The following ACTR10 variants were observed in gnomAD, a reference collection of about 807,000 sequenced individuals.
ACTR10 encodes actin related protein 10, also known as actin-related protein 10.
In ACTR10, 43 loss-of-function variants were observed where a neutral mutation model predicts 56.2. That is an observed-to-expected ratio of 0.77 (90% CI 0.60 to 0.99). The LOEUF is 0.99. Among genes scored for constraint, ACTR10 ranks in the 50% least tolerant of loss-of-function variants. The probability of loss-of-function intolerance (pLI) is 0.00; values close to 1 mark genes in which losing one functional copy is unlikely to be tolerated. For synonymous variants in ACTR10, 170 were observed against 176.3 expected (o/e 0.96, Z 0.28); for missense variants, 466 against 507.8 (o/e 0.92, Z 0.79).
In ACTR10 at chr14:58,218,977, C is replaced by T. The variant is rs544011024; in HGVS notation, c.599-717C>T. Among the ~76,000 whole-genome samples the T allele has an allele frequency of 3.9e-5, 6 of 152,244 alleles. No individual in the cohort carries two copies. In the East Asian group the frequency reaches 1.2e-3, roughly 29 times the overall value. ...AGCTGGGATTACAGGCATGCACCACCACACCCAGCTTTTTGTATTTTTAGT... is the reference window on the plus strand; with the variant it reads ...AGCTGGGATTACAGGCATGCACCACTACACCCAGCTTTTTGTATTTTTAGT... On this transcript the variant is annotated intron_variant, in intron 7 of 12. Coordinates refer to ENST00000254286, the MANE Select transcript of ACTR10 (RefSeq NM_018477.3).
In ACTR10 at chr14:58,209,050, A is replaced by T. The variant is rs747767626; in HGVS notation, c.285A>T (p.Val95=). The part of the protein sequence containing the change: ...RDRRVVIIES[V]LCPSHFRETL... ...GCCGAGTTGTGATTATCGAATCGGT[A>T]TTATGTCCTTCTCACTTCAGAGAGA... The change falls in exon 4 of 13, where the codon GTA becomes GTT. Residue 95 remains valine, a synonymous_variant. Transcript: ENST00000254286. The T allele has an allele frequency of 3.1e-6, 5 of 1,612,522 alleles. No individual in the cohort carries two copies. The Admixed American group carries it at 8.4e-5, about 27-fold the overall frequency.
At chr14:58,211,470 TAAATGA>T in intron 5 of ACTR10, 71 bp downstream of exon 5, 11 of 1,128,114 alleles carry the variant, frequency 9.8e-6, no homozygotes, top group Non-Finnish European at 1.3e-5. Context: ...AGGCTAATTA[TAAATGA>T]TTTGTATTGT....
chr14:58,223,570 C>A (rs1490883331), intron 8 of ACTR10, 52 bp from the exon 9 acceptor site: 2 of 1,426,308 alleles, frequency 1.4e-6, no homozygotes, highest in Non-Finnish European at 1.9e-6. Context: ...TAGGTACACT[C>A]TGTTCAATTA....
chr14:58,223,893 AAAAT>A (rs1566628988), intron 10 of ACTR10, 37 bp downstream of exon 10: 1 of 1,515,368 alleles, frequency 6.6e-7, no homozygotes, highest in Non-Finnish European at 9.0e-7. Context: ...GTAGTAAACT[AAAAT>A]AAACTTTTGG....
At chr14:58,206,442 C>G (rs1352111854) in intron 2 of ACTR10, among the ~76,000 whole-genome samples, 2 of 152,252 alleles carry the variant, frequency 1.3e-5, no homozygotes, top group African/African-American at 4.8e-5. Context: ...CTTGACCTCC[C>G]AAAGTGTTGG....
chr14:58,200,804 T>G (rs879585158), intron 1 of ACTR10, among the ~76,000 whole-genome samples: 6 of 152,320 alleles, frequency 3.9e-5, no homozygotes, highest in Non-Finnish European at 7.3e-5. Flanking sequence ...TAGATAAGAT[T>G]CTGGAAATCC....
intron 11 of ACTR10, 36 bp from the exon 12 acceptor site, chr14:58,232,030 C>G (rs1401881655): frequency 6.9e-7 from 1 of 1,444,308 alleles, no homozygotes; most frequent in African/African-American, 1.4e-5. Flanking sequence ...TTGTACAGTT[C>G]AGAATAAATC....
intron 8 of ACTR10, among the ~76,000 whole-genome samples, chr14:58,222,863 T>C: frequency 6.6e-6 from 1 of 151,932 alleles, no homozygotes; most frequent in East Asian, 1.9e-4. Context: ...TTTGGTAACA[T>C]CTTTTCACAA....
intron 10 of ACTR10, among the ~76,000 whole-genome samples, chr14:58,224,595 G>A (rs1369670906): frequency 6.6e-6 from 1 of 152,170 alleles, no homozygotes; most frequent in Non-Finnish European, 1.5e-5. Context: ...GAGGTTGGAG[G>A]ATATCTTGAG....
chr14:58,204,189 G>A (rs1888797811), intron 2 of ACTR10, among the ~76,000 whole-genome samples: 1 of 151,002 alleles, frequency 6.6e-6, no homozygotes, highest in Admixed American at 6.6e-5. Context: ...AGACCATCCT[G>A]GCTAACACAG....
chr14:58,227,415 G>T (rs1325075825), intron 10 of ACTR10, among the ~76,000 whole-genome samples: 1 of 152,142 alleles, frequency 6.6e-6, no homozygotes, highest in Non-Finnish European at 1.5e-5. Context: ...GACTTTTACA[G>T]TTGTCTCACC....
chr14:58,229,836 T>TA (rs1434733969), intron 10 of ACTR10, among the ~76,000 whole-genome samples: 2 of 151,912 alleles, frequency 1.3e-5, no homozygotes, highest in Non-Finnish European at 2.9e-5. Flanking sequence ...ATATAATTTT[T>TA]AAAAAAATAT....
chr14:58,218,288 ATCT>A (rs1889183853), intron 7 of ACTR10, among the ~76,000 whole-genome samples: 1 of 152,174 alleles, frequency 6.6e-6, no homozygotes, highest in African/African-American at 2.4e-5. Context: ...TCAGGATTAA[ATCT>A]TCTGGCATAT....
At chr14:58,212,006 G>A (rs757140146) in intron 5 of ACTR10, among the ~76,000 whole-genome samples, 5 of 151,002 alleles carry the variant, frequency 3.3e-5, no homozygotes, top group South Asian at 2.1e-4. Flanking sequence ...AGAGGCTTTC[G>A]TGAAGGCAGT....
At chr14:58,227,278 C>A (rs1889427218) in intron 10 of ACTR10, among the ~76,000 whole-genome samples, 1 of 151,700 alleles carries the variant, frequency 6.6e-6, no homozygotes. Flanking sequence ...TGCTTGTAAT[C>A]CCAGCATTTT....
Position 58,207,962 on chromosome 14 carries a change from C to A in ACTR10, c.177C>A (p.Ile59=). The change falls in exon 3 of 13, where the codon ATC becomes ATA. Residue 59 remains isoleucine, a synonymous_variant. Coordinates refer to ENST00000254286, the MANE Select transcript of ACTR10 (RefSeq NM_018477.3). ...CTGTCAGAGTTGTTCAGTATAATAT[C>A]AATACAGAAGAATTATATTCCTACC... ...PKPVRVVQYN[I]NTEELYSYLK... is the part of the protein sequence containing the mutation. 6.6e-7 allele frequency: 1 copy of A among 1,504,756 alleles called. No individual in the cohort carries two copies. The highest frequency in any genetic ancestry group is 1.3e-5 in the South Asian group (1 of 75,236). The allele number at this position is 1,504,756 out of a possible 1,614,324, so 93.2% of individuals were successfully genotyped here.
intron 2 of ACTR10, among the ~76,000 whole-genome samples, chr14:58,207,526 T>C (rs1888896935): frequency 6.6e-6 from 1 of 152,076 alleles, no homozygotes; most frequent in Non-Finnish European, 1.5e-5. Flanking sequence ...CGTTTCACCA[T>C]GTTGGCCAGC....
In ACTR10 at chr14:58,223,719, A is replaced by G; in HGVS notation, c.714+18A>G. 1 of 1,606,500 alleles carries G rather than the reference A, an allele frequency of 6.2e-7. No homozygotes were observed. The highest frequency in any genetic ancestry group is 8.5e-7 in the Non-Finnish European group (1 of 1,177,518). ...ATAATGAGGTAAGTTTAAAAAAAAAAAAGGCATCTTTTTGCAAAGGTTACA... is the reference window on the plus strand; with the variant it reads ...ATAATGAGGTAAGTTTAAAAAAAAAGAAGGCATCTTTTTGCAAAGGTTACA... On this transcript the variant is annotated intron_variant, in intron 9 of 12. Coordinates refer to ENST00000254286, the MANE Select transcript of ACTR10 (RefSeq NM_018477.3).
intron 10 of ACTR10, among the ~76,000 whole-genome samples, chr14:58,228,826 G>A (rs935150938): frequency 8.6e-5 from 13 of 150,988 alleles, no homozygotes; most frequent in Non-Finnish European, 1.6e-4. Flanking sequence ...TTATAGGCAT[G>A]AGCCATTGCA....
Sources: allele counts gnomAD v4.1 joint callset (sites outside exome capture counted in the v4.1 genomes callset), GRCh38; gene constraint gnomAD v4.1.1; transcripts MANE v1.5; gene names NCBI Gene and HGNC (gene_info 2026-07-23, HGNC 2026-07-21).